MEOX2: variants seen among roughly 807,000 people sequenced by gnomAD.
MEOX2 encodes the protein homeobox protein MOX-2.
Under a neutral mutation model 27.0 loss-of-function variants are expected in MEOX2, and 11 were observed. That is an observed-to-expected ratio of 0.41 (90% CI 0.26 to 0.68). MEOX2 has a LOEUF of 0.68. Ranked by LOEUF, MEOX2 falls within the 30% of genes least tolerant of loss-of-function variation. The pLI is 0.33. For synonymous variants in MEOX2, 189 were observed against 155.4 expected, an observed-to-expected ratio of 1.22 and a Z score of -1.61; for missense variants, 436 against 385.4, an observed-to-expected ratio of 1.13 and a Z score of -1.10.
rs1258758064 is a variant in MEOX2, at chr7:15,685,653, G to A, written c.517+233C>T. The stretch of plus-strand genomic sequence containing the variant: ...TCAACCTTCTGGTAAACTAGTTTAG[G>A]ACTTTGGAGGGCTTAGAGCTGCTGG... On this transcript the variant is annotated intron_variant, in intron 1 of 2. Transcript: ENST00000262041. Among the ~76,000 whole-genome samples the A allele has an allele frequency of 2.6e-5, 4 of 152,312 alleles. No homozygotes were observed. The East Asian group carries it at 7.7e-4, about 29-fold the overall frequency.
intron 1 of MEOX2, among the ~76,000 whole-genome samples, chr7:15,636,656 T>C (rs1245720981): frequency 6.6e-6 from 1 of 152,116 alleles, no homozygotes; most frequent in African/African-American, 2.4e-5. Context: ...ACATGCCATA[T>C]AGAAATTTAA....
chr7:15,653,851 A>G lies in MEOX2; in HGVS notation c.518-26933T>C, dbSNP rs535643489. Among the ~76,000 whole-genome samples the G allele has an allele frequency of 3.5e-4, 53 of 152,022 alleles. No individual in the cohort carries two copies. The South Asian group carries it at 0.011, about 30-fold the overall frequency. ...GTAATACATCAAAATAGAATCCGCTACTTCTTATCACTTCATTCTCCCTGT... is the reference window on the plus strand; with the variant it reads ...GTAATACATCAAAATAGAATCCGCTGCTTCTTATCACTTCATTCTCCCTGT... On this transcript the variant is annotated intron_variant, in intron 1 of 2. Transcript: ENST00000262041.
At chr7:15,629,043 G>C (rs1314523704) in intron 1 of MEOX2, among the ~76,000 whole-genome samples, 1 of 151,970 alleles carries the variant, frequency 6.6e-6, no homozygotes, top group South Asian at 2.1e-4. Flanking sequence ...AAGCAACTCT[G>C]GAAACTGACA....
At chr7:15,645,907 A>T (rs1781639477) in intron 1 of MEOX2, among the ~76,000 whole-genome samples, 3 of 152,188 alleles carry the variant, frequency 2.0e-5, no homozygotes, top group African/African-American at 7.2e-5. Flanking sequence ...TTGTGGCAGT[A>T]CTAAAGGAAA....
At chr7:15,615,785 C>G (rs536235497) in intron 2 of MEOX2, among the ~76,000 whole-genome samples, 2 of 152,064 alleles carry the variant, frequency 1.3e-5, no homozygotes, top group Non-Finnish European at 2.9e-5. Context: ...GGAAGAAATA[C>G]ATATGTCATG....
At chr7:15,654,945 A>T (rs1234911965) in intron 1 of MEOX2, among the ~76,000 whole-genome samples, 1 of 151,696 alleles carries the variant, frequency 6.6e-6, no homozygotes, top group Non-Finnish European at 1.5e-5. Context: ...TCTGGAAGAG[A>T]TTGTATAGAA....
At chr7:15,631,906 A>ATGTGTGTGTGTGTGTGTGTG (rs146116757) in intron 1 of MEOX2, among the ~76,000 whole-genome samples, 16,433 of 129,156 alleles carry the variant, frequency 0.13, 1,254 homozygotes, top group Admixed American at 0.19. Flanking sequence ...CCAAGGTTAA[A>ATGTGTGTGTGTGTGTGTGTG]TGTGTGTGTG....
intron 1 of MEOX2, among the ~76,000 whole-genome samples, chr7:15,682,881 T>C (rs972146184): frequency 2.0e-5 from 3 of 151,980 alleles, no homozygotes; most frequent in African/African-American, 7.2e-5. Flanking sequence ...CTGGAAAGCG[T>C]AGCAGGTTCA....
rs117218851 is a variant in MEOX2, at chr7:15,649,579, T to C, written c.518-22661A>G. ...ACAAGAAAAATAAGAACAAAGACTT[T>C]AGGTTAGGGACTGACTAGTCAGTGC... is the stretch of plus-strand genomic sequence containing the variant. On this transcript the variant is annotated intron_variant, in intron 1 of 2. Coordinates refer to ENST00000262041, the MANE Select transcript of MEOX2 (RefSeq NM_005924.5). Among the ~76,000 whole-genome samples, 86 of 152,128 alleles carry C rather than the reference T, an allele frequency of 5.7e-4. 1 individual carries two copies. The East Asian group carries it at 9.9e-3, about 17-fold the overall frequency.
At chr7:15,647,768 G>C (rs1781674485) in intron 1 of MEOX2, among the ~76,000 whole-genome samples, 1 of 151,996 alleles carries the variant, frequency 6.6e-6, no homozygotes, top group Non-Finnish European at 1.5e-5. Flanking sequence ...CATTTTAAAA[G>C]ATAATCATTT....
rs551036356 is a variant in MEOX2 at position 15,686,195 on chromosome 7, G to A, written c.208C>T (p.His70Tyr). ...TGATGGTGGTGGTGGTGGTGGTGGT[G>A]GTGGTGCCCCCTGTGATGCTGGCTG... ...FASQHHRGHH[H>Y]HHHHHHHHHH... The change falls in exon 1 of 3, where the codon CAC becomes TAC. Residue 70 changes from histidine to tyrosine, a missense_variant. His to Tyr is a moderately conservative substitution (Grantham distance 83). Transcript: ENST00000262041. 3.7e-5 allele frequency: 58 copies of A among 1,586,312 alleles called. 1 individual carries two copies. The African/African-American group carries it at 5.4e-4, about 15-fold the overall frequency.
intron 1 of MEOX2, among the ~76,000 whole-genome samples, chr7:15,685,553 A>C (rs1313766335): frequency 6.6e-6 from 1 of 152,168 alleles, no homozygotes; most frequent in African/African-American, 2.4e-5. Context: ...CCCTGGGCGC[A>C]CGCCCCTCCC....
chr7:15,673,856 T>C (rs1252781426), intron 1 of MEOX2, among the ~76,000 whole-genome samples: 2 of 152,118 alleles, frequency 1.3e-5, no homozygotes, highest in Non-Finnish European at 2.9e-5. Flanking sequence ...AACATTTAGA[T>C]ATTCACATTA....
intron 1 of MEOX2, among the ~76,000 whole-genome samples, chr7:15,629,397 A>C (rs747019869): frequency 5.9e-5 from 9 of 152,146 alleles, no homozygotes; most frequent in Non-Finnish European, 8.8e-5. Context: ...GCTGTAGTTC[A>C]ATATTTAAAT....
intron 1 of MEOX2, among the ~76,000 whole-genome samples, chr7:15,637,267 A>G (rs1781493239): frequency 6.6e-6 from 1 of 152,056 alleles, no homozygotes; most frequent in Non-Finnish European, 1.5e-5. Flanking sequence ...TAGGTCTTAC[A>G]GATAATCCTT....
intron 1 of MEOX2, among the ~76,000 whole-genome samples, chr7:15,661,051 A>G (rs1781908644): frequency 6.9e-6 from 1 of 145,382 alleles, no homozygotes. Flanking sequence ...AGAGAAAGAG[A>G]GAGAAAGGAA....
At chr7:15,635,494 A>G (rs879843491) in intron 1 of MEOX2, among the ~76,000 whole-genome samples, 2 of 151,990 alleles carry the variant, frequency 1.3e-5, no homozygotes, top group Non-Finnish European at 2.9e-5. Context: ...CATCTTTAAC[A>G]CAGACTTTAA....
At chr7:15,661,674 G>A (rs1378456846) in intron 1 of MEOX2, among the ~76,000 whole-genome samples, 1 of 152,200 alleles carries the variant, frequency 6.6e-6, no homozygotes, top group Non-Finnish European at 1.5e-5. Context: ...AAAGTTCCCT[G>A]TGTAAGACAG....
At chr7:15,616,450 C>CA (rs1231331781) in intron 2 of MEOX2, among the ~76,000 whole-genome samples, 1 of 151,710 alleles carries the variant, frequency 6.6e-6, no homozygotes, top group Non-Finnish European at 1.5e-5. Context: ...GCAATCCCCC[C>CA]AACAAAATCT....
Sources: gnomAD v4.1 joint callset for allele counts (sites outside exome capture counted in the v4.1 genomes callset) on GRCh38, gnomAD v4.1.1 for gene constraint, MANE v1.5 for transcripts, NCBI Gene and HGNC (gene_info 2026-07-23, HGNC 2026-07-21) for gene names.